WWOX: variants seen among roughly 807,000 people sequenced by gnomAD.
The protein encoded by WWOX is WW domain containing oxidoreductase, also known as WW domain-containing oxidoreductase.
In WWOX, 69 loss-of-function variants were observed where a neutral mutation model predicts 46.2. The ratio of observed to expected loss-of-function variants is 1.49; its 90% CI spans 1.23 to 1.82. WWOX has a LOEUF of 1.82. WWOX is among the 40% of genes most tolerant of loss of function. The pLI is 0.00. For missense variants in WWOX, 919 were observed against 542.6 expected, an observed-to-expected ratio of 1.69 and a Z score of -6.89; for synonymous variants, 359 against 202.6, an observed-to-expected ratio of 1.77 and a Z score of -6.56.
chr16:78,768,831 C>G (rs574345102), intron 8 of WWOX, among the ~76,000 whole-genome samples: 1 of 151,922 alleles, frequency 6.6e-6, no homozygotes, highest in Non-Finnish European at 1.5e-5. Flanking sequence ...AGGTACTGAC[C>G]CTGAAGGGCT....
chr16:78,706,926 G>A (rs1264221414), intron 8 of WWOX, among the ~76,000 whole-genome samples: 1 of 152,182 alleles, frequency 6.6e-6, no homozygotes, highest in East Asian at 1.9e-4. Context: ...GCCTCCCAAA[G>A]TATTAGGATT....
intron 8 of WWOX, among the ~76,000 whole-genome samples, chr16:78,481,754 T>C (rs1216168379): frequency 6.8e-6 from 1 of 148,066 alleles, no homozygotes; most frequent in African/African-American, 2.6e-5. Context: ...TGTGTGTGTG[T>C]GTGTGTGTGT....
chr16:78,468,285 A>C (rs1483923996), intron 8 of WWOX, among the ~76,000 whole-genome samples: 1 of 145,890 alleles, frequency 6.9e-6, no homozygotes. Context: ...TTTTTTTTAA[A>C]CTTCATGGTG....
intron 8 of WWOX, among the ~76,000 whole-genome samples, chr16:78,932,800 C>T (rs748455909): frequency 1.6e-4 from 24 of 152,162 alleles, no homozygotes; most frequent in Admixed American, 7.9e-4. Flanking sequence ...GTCCCAAGCC[C>T]CTCCTGTAGA....
At chr16:78,993,094 A>G (rs2046920234) in intron 8 of WWOX, among the ~76,000 whole-genome samples, 1 of 152,070 alleles carries the variant, frequency 6.6e-6, no homozygotes, top group Non-Finnish European at 1.5e-5. Context: ...GAGGAAATTT[A>G]ACTTTTGTGG....
At position 78,996,680 on chromosome 16, in the gene WWOX, A is replaced by G. The variant is rs192650201; in HGVS notation, c.1057-214928A>G. On this transcript the variant is annotated intron_variant, in intron 8 of 8. Transcript: ENST00000566780. The stretch of plus-strand genomic sequence containing the variant: ...TACATCCCCCCAAAATGTGGGGACA[A>G]TATGGCAAATATGGCCAGGTACAGT... Among the ~76,000 whole-genome samples, 207 of 152,218 alleles carry G rather than the reference A, an allele frequency of 1.4e-3. 1 individual carries two copies. The highest frequency in any genetic ancestry group is 4.3e-3 in the African/African-American group (177 of 41,558).
chr16:78,618,378 G>C (rs922273269), intron 8 of WWOX, among the ~76,000 whole-genome samples: 4 of 152,194 alleles, frequency 2.6e-5, no homozygotes, highest in South Asian at 2.1e-4. Flanking sequence ...CAAGGTGTCA[G>C]CAGGGTTGGT....
chr16:78,180,769 AG>A (rs1351750131), intron 5 of WWOX, among the ~76,000 whole-genome samples: 1 of 151,856 alleles, frequency 6.6e-6, no homozygotes, highest in African/African-American at 2.4e-5. Flanking sequence ...ACACGAGAGT[AG>A]GGGGCATATG....
At chr16:78,994,969 C>CTTTTTTTTTTTTTTTTTTTTTTTTTCCTT (rs869088414) in intron 8 of WWOX, among the ~76,000 whole-genome samples, 1 of 114,644 alleles carries the variant, frequency 8.7e-6, no homozygotes, top group African/African-American at 3.3e-5. Flanking sequence ...TCTTCTTCTT[C>CTTTTTTTTTTTTTTTTTTTTTTTTTCCTT]TTTTTTTTTT....
intron 8 of WWOX, among the ~76,000 whole-genome samples, chr16:78,652,451 G>C (rs2046988765): frequency 1.3e-5 from 2 of 151,116 alleles, no homozygotes; most frequent in Admixed American, 1.3e-4. Flanking sequence ...AAAGGTGTTT[G>C]GAAGCCATGT....
chr16:78,145,733 G>A (rs774406228), intron 4 of WWOX, among the ~76,000 whole-genome samples: 4 of 152,096 alleles, frequency 2.6e-5, no homozygotes, highest in Admixed American at 6.5e-5. Flanking sequence ...TGTTCACATA[G>A]TCTCCTCACC....
At chr16:79,029,248 A>C (rs2047706153) in intron 8 of WWOX, among the ~76,000 whole-genome samples, 1 of 152,056 alleles carries the variant, frequency 6.6e-6, no homozygotes, top group Admixed American at 6.6e-5. Flanking sequence ...ACTCAGTTCC[A>C]CGTCTTTGAG....
In WWOX at chr16:78,650,294, C is replaced by T. The variant is rs528284064; in HGVS notation, c.1056+217542C>T. 5.3e-5 allele frequency among the ~76,000 whole-genome samples: 8 copies of T among 152,268 alleles called. No homozygotes were observed. The South Asian group carries it at 1.2e-3, about 24-fold the overall frequency. On this transcript the variant is annotated intron_variant, in intron 8 of 8. Coordinates refer to ENST00000566780, the MANE Select transcript of WWOX (RefSeq NM_016373.4). ...GAAGATGAAGAAGTATGTGTATCCG[C>T]TTTTTGTCTTTCAGAATAACATACT...
chr16:79,109,361 G>A (rs191092106), intron 8 of WWOX, among the ~76,000 whole-genome samples: 1 of 152,150 alleles, frequency 6.6e-6, no homozygotes, highest in Non-Finnish European at 1.5e-5. Flanking sequence ...ACCTCCACTA[G>A]CTAAGCTGAA....
At chr16:79,126,664 A>G (rs1453070076) in intron 8 of WWOX, among the ~76,000 whole-genome samples, 2 of 152,182 alleles carry the variant, frequency 1.3e-5, no homozygotes, top group Non-Finnish European at 2.9e-5. Context: ...GTAGCAGTGT[A>G]AGAACAGACT....
chr16:79,153,913 C>T (rs568946586), intron 8 of WWOX, among the ~76,000 whole-genome samples: 91 of 152,242 alleles, frequency 6.0e-4, no homozygotes, highest in African/African-American at 2.1e-3. Context: ...TTTTCCAGGC[C>T]TGCTGTCAGG....
At chr16:78,206,860 C>G (rs955513672) in intron 5 of WWOX, among the ~76,000 whole-genome samples, 2 of 152,146 alleles carry the variant, frequency 1.3e-5, no homozygotes, top group African/African-American at 2.4e-5. Context: ...GTTTCAGACC[C>G]TTTTAGTCTT....
intron 8 of WWOX, among the ~76,000 whole-genome samples, chr16:78,998,014 T>C (rs2062903): frequency 2.0e-5 from 3 of 151,806 alleles, no homozygotes; most frequent in Non-Finnish European, 4.4e-5. Context: ...GTAGCTGGGA[T>C]TACAGGCATG....
intron 8 of WWOX, among the ~76,000 whole-genome samples, chr16:78,730,644 G>A (rs573673133): frequency 2.4e-5 from 3 of 124,482 alleles, no homozygotes; most frequent in African/African-American, 9.3e-5. Flanking sequence ...TTTTTAAGTA[G>A]AGACAGGGTC....
Sources: gnomAD v4.1 joint callset for allele counts (sites outside exome capture counted in the v4.1 genomes callset) on GRCh38, gnomAD v4.1.1 for gene constraint, MANE v1.5 for transcripts, NCBI Gene and HGNC (gene_info 2026-07-23, HGNC 2026-07-21) for gene names.